The following PTPRT variants were observed in gnomAD, a reference collection of about 807,000 sequenced individuals.
PTPRT encodes the protein protein tyrosine phosphatase receptor type T.
A neutral mutation model predicts 176.8 loss-of-function variants in PTPRT; 56 were observed. The observed-to-expected ratio is 0.32, with a 90% confidence interval of 0.26 to 0.40. The LOEUF (loss-of-function observed/expected upper bound fraction) is 0.40. Among genes scored for constraint, PTPRT ranks in the 10% least tolerant of loss-of-function variants. The pLI is 1.00. For missense variants in PTPRT, 1,540 were observed against 1,908.2 expected, an observed-to-expected ratio of 0.81 and a Z score of 3.60; for synonymous variants, 783 against 739.0, an observed-to-expected ratio of 1.06 and a Z score of -0.96.
At chr20:42,050,531 C>A in the PTPRT span, among the ~76,000 whole-genome samples, 1 of 152,168 alleles carries the variant, frequency 6.6e-6, no homozygotes, top group Non-Finnish European at 1.5e-5. Flanking sequence ...GTCGGGCTGT[C>A]TCCCACAATG....
chr20:43,041,286 C>T (rs1198912645), intron 1 of PTPRT, among the ~76,000 whole-genome samples: 1 of 152,192 alleles, frequency 6.6e-6, no homozygotes, highest in Non-Finnish European at 1.5e-5. Flanking sequence ...TAATGTATTG[C>T]TTGTGTGGTA....
At position 42,081,926 on chromosome 20, in the gene PTPRT, C is replaced by T. The variant is rs760820896; in HGVS notation, c.4228G>A (p.Val1410Met). 18 of 1,614,086 alleles carry T rather than the reference C, an allele frequency of 1.1e-5. No homozygotes were observed. Among genetic ancestry groups the T allele is most frequent in the East Asian group, 4.5e-5 (2 of 44,898 alleles). ...GATTTGTTGTTACGCAGTGTTTTCACGATGTGGAACACGTCAATGATGTTT... is the reference window on the plus strand; with the variant it reads ...GATTTGTTGTTACGCAGTGTTTTCATGATGTGGAACACGTCAATGATGTTT... ...QQNIIDVFHIVKTLRNNKSNM... is the reference protein window; with the variant it reads ...QQNIIDVFHIMKTLRNNKSNM... Residue 1410 changes from valine (V) to methionine (M), a missense_variant, in exon 30 of 31, where the codon GTG becomes ATG. Transcript: ENST00000373187.
chr20:42,756,903 T>A lies in PTPRT; in HGVS notation c.685-267A>T, dbSNP rs370505866. ...TGCCTCTACAAGAAATTTTAAAAAA[T>A]AGCCAGGCATGGTGGCACTCATCTT... On this transcript the variant is annotated intron_variant, in intron 5 of 30. Coordinates refer to ENST00000373187, the MANE Select transcript of PTPRT (RefSeq NM_007050.6). 4.7e-4 allele frequency among the ~76,000 whole-genome samples: 72 copies of A among 151,824 alleles called. No homozygotes were observed. The East Asian group carries it at 0.013, about 28-fold the overall frequency.
At chr20:42,939,595 T>C (rs78213190) in intron 1 of PTPRT, among the ~76,000 whole-genome samples, 1 of 152,144 alleles carries the variant, frequency 6.6e-6, no homozygotes. Flanking sequence ...GTCTTTTTCA[T>C]TCCTTCATCT....
the PTPRT span, among the ~76,000 whole-genome samples, chr20:42,056,691 C>T: frequency 6.6e-6 from 1 of 152,240 alleles, no homozygotes; most frequent in Middle Eastern, 3.4e-3. Flanking sequence ...ATGAATAAAA[C>T]GATGAAGTGT....
chr20:42,412,858 A>C (rs1048108827), intron 9 of PTPRT, among the ~76,000 whole-genome samples: 8 of 152,152 alleles, frequency 5.3e-5, no homozygotes, highest in Non-Finnish European at 1.2e-4. Context: ...ATAGGGACAG[A>C]AAGCAGATCA....
At chr20:42,146,091 T>G (rs1988856214) in intron 17 of PTPRT, among the ~76,000 whole-genome samples, 1 of 152,194 alleles carries the variant, frequency 6.6e-6, no homozygotes, top group African/African-American at 2.4e-5. Flanking sequence ...TGGAAGATGC[T>G]TCTAGCTACT....
intron 7 of PTPRT, among the ~76,000 whole-genome samples, chr20:42,476,550 T>C (rs1467347885): frequency 6.6e-6 from 1 of 152,158 alleles, no homozygotes; most frequent in Non-Finnish European, 1.5e-5. Context: ...TCATGTGTGT[T>C]ACTGAAATCT....
chr20:42,337,475 A>G (rs1030626091), intron 11 of PTPRT, among the ~76,000 whole-genome samples: 1 of 152,132 alleles, frequency 6.6e-6, no homozygotes, highest in African/African-American at 2.4e-5. Context: ...GTGTACAGTC[A>G]ATGAAAGGAT....
intron 12 of PTPRT, among the ~76,000 whole-genome samples, chr20:42,301,589 G>A (rs947478228): frequency 2.0e-5 from 3 of 152,036 alleles, no homozygotes; most frequent in Non-Finnish European, 4.4e-5. Flanking sequence ...TGGAAATTGC[G>A]CATTAAAGCA....
intron 9 of PTPRT, among the ~76,000 whole-genome samples, chr20:42,426,161 T>A (rs1235323177): frequency 6.6e-6 from 1 of 152,048 alleles, no homozygotes; most frequent in Non-Finnish European, 1.5e-5. Flanking sequence ...CAGCCCTAAA[T>A]GGGAACAGGC....
intron 16 of PTPRT, among the ~76,000 whole-genome samples, chr20:42,168,634 A>C (rs186946488): frequency 6.6e-6 from 1 of 152,236 alleles, no homozygotes; most frequent in Non-Finnish European, 1.5e-5. Flanking sequence ...TTTCTCGAAA[A>C]TCCCTCTCTC....
rs189123291 is a variant in PTPRT, at chr20:42,146,972, G to A, written c.2683-4970C>T. Among the ~76,000 whole-genome samples, 16 of 152,250 alleles carry A rather than the reference G, an allele frequency of 1.1e-4. No homozygotes were observed. The East Asian group carries it at 1.7e-3, about 17-fold the overall frequency. On this transcript the variant is annotated intron_variant, in intron 17 of 30. Coordinates refer to ENST00000373187, the MANE Select transcript of PTPRT (RefSeq NM_007050.6). ...TCCTACATGTCCTTCAAAACTCAGC[G>A]TAAGCATCTTCTTTGTGGAATCTTC...
intron 1 of PTPRT, among the ~76,000 whole-genome samples, chr20:43,028,510 T>C (rs1986011164): frequency 6.6e-6 from 1 of 152,214 alleles, no homozygotes; most frequent in African/African-American, 2.4e-5. Flanking sequence ...GGGAACTGAA[T>C]GCTACTACAA....
chr20:42,992,888 T>C (rs1983999620), intron 1 of PTPRT, among the ~76,000 whole-genome samples: 2 of 152,160 alleles, frequency 1.3e-5, no homozygotes, highest in African/African-American at 4.8e-5. Context: ...GTGGACTAGT[T>C]AGGGCTTCCT....
intron 16 of PTPRT, among the ~76,000 whole-genome samples, chr20:42,172,031 A>G (rs573215525): frequency 1.3e-5 from 2 of 152,302 alleles, no homozygotes; most frequent in South Asian, 4.1e-4. Context: ...ATTGAAAATA[A>G]TAAAACAATC....
At chr20:43,087,246 A>G (rs779735734) in intron 1 of PTPRT, among the ~76,000 whole-genome samples, 15 of 151,922 alleles carry the variant, frequency 9.9e-5, no homozygotes, top group Non-Finnish European at 1.8e-4. Flanking sequence ...ATCTTTTAAG[A>G]GCTATCCATG....
chr20:42,529,847 G>GA (rs140817588), intron 7 of PTPRT, among the ~76,000 whole-genome samples: 2,636 of 108,382 alleles, frequency 0.024, 76 homozygotes, highest in South Asian at 0.11. Flanking sequence ...CTTGTTAGAG[G>GA]AAAAAAAAAA....
At chr20:42,262,560 C>A (rs2056767473) in intron 13 of PTPRT, among the ~76,000 whole-genome samples, 1 of 152,184 alleles carries the variant, frequency 6.6e-6, no homozygotes, top group African/African-American at 2.4e-5. Flanking sequence ...ACTAGTGACT[C>A]ACAATTAGCC....
Sources: gnomAD v4.1 joint callset for allele counts (sites outside exome capture counted in the v4.1 genomes callset) on GRCh38, gnomAD v4.1.1 for gene constraint, MANE v1.5 for transcripts, NCBI Gene and HGNC (gene_info 2026-07-23, HGNC 2026-07-21) for gene names.